EPC2: variants seen among roughly 807,000 people sequenced by gnomAD.
The protein encoded by EPC2 is enhancer of polycomb homolog 2.
In EPC2, 14 loss-of-function variants were observed where a neutral mutation model predicts 92.1. The observed-to-expected ratio is 0.15, with a 90% CI of 0.10 to 0.24. The LOEUF (loss-of-function observed/expected upper bound fraction) is 0.24. EPC2 is among the 10% of genes least tolerant of loss of function. The pLI, the probability that EPC2 is intolerant of heterozygous loss-of-function variation, is 1.00. For missense variants in EPC2, 755 were observed against 971.5 expected, an observed-to-expected ratio of 0.78 and a Z score of 2.96; for synonymous variants, 340 against 334.7, an observed-to-expected ratio of 1.02 and a Z score of -0.17.
chr2:148,677,847 C>T (rs1000583587), intron 1 of EPC2, among the ~76,000 whole-genome samples: 8 of 151,914 alleles, frequency 5.3e-5, no homozygotes, highest in East Asian at 1.9e-4. Context: ...CTTGTGGTCT[C>T]GCTGGCTTCA....
intron 3 of EPC2, among the ~76,000 whole-genome samples, chr2:148,752,595 A>ACT (rs1469401091): frequency 6.6e-6 from 1 of 152,194 alleles, no homozygotes; most frequent in Admixed American, 6.5e-5. Context: ...TAGAATGGCC[A>ACT]CTTAGTATTT....
chr2:148,702,378 AT>A (rs1681909190), intron 2 of EPC2, among the ~76,000 whole-genome samples: 1 of 152,172 alleles, frequency 6.6e-6, no homozygotes, highest in African/African-American at 2.4e-5. Flanking sequence ...ATATTCATAG[AT>A]TAGAGGAATT....
At chr2:148,650,624 T>C (rs936841821) in intron 1 of EPC2, among the ~76,000 whole-genome samples, 4 of 152,160 alleles carry the variant, frequency 2.6e-5, no homozygotes, top group African/African-American at 7.2e-5. Context: ...TGTTGTCTAA[T>C]TTTTGCCGTT....
At chr2:148,777,408 A>T (rs1397725165) in intron 10 of EPC2, among the ~76,000 whole-genome samples, 1 of 152,202 alleles carries the variant, frequency 6.6e-6, no homozygotes, top group Non-Finnish European at 1.5e-5. Flanking sequence ...TTAAGAGATG[A>T]TGAAAAAACA....
chr2:148,733,091 A>ATTTTTTTTTTTTTTTTT (rs1290818057), intron 2 of EPC2, among the ~76,000 whole-genome samples: 2 of 118,942 alleles, frequency 1.7e-5, no homozygotes, highest in Non-Finnish European at 1.8e-5. Context: ...TTATTTTTTA[A>ATTTTTTTTTTTTTTTTT]AGAATAATAG....
rs527268787 is a variant in EPC2, at chr2:148,671,747, C to A, written c.154-18467C>A. Among the ~76,000 whole-genome samples, 171 of 152,072 alleles carry A rather than the reference C, an allele frequency of 1.1e-3. 1 individual carries two copies. The highest frequency in any genetic ancestry group is 1.5e-3 in the Non-Finnish European group (103 of 67,972). On this transcript the variant is annotated intron_variant, in intron 1 of 13. Transcript: ENST00000258484. ...CTTTTGTCCGTCCCTTTATTTTTAC[C>A]CTTTCTTAACCATCTTTGAGTAAGC...
At chr2:148,645,439 G>A in intron 1 of EPC2, 2 of 409,248 alleles carry the variant, frequency 4.9e-6, no homozygotes, top group South Asian at 2.9e-5. Context: ...AGCGGCGGCC[G>A]GGAATGGCGC....
At chr2:148,691,473 G>A in intron 2 of EPC2, 3 of 1,529,350 alleles carry the variant, frequency 2.0e-6, no homozygotes, top group Non-Finnish European at 2.7e-6. Flanking sequence ...AACATCACCA[G>A]CTTTAAGACT....
intron 13 of EPC2, among the ~76,000 whole-genome samples, chr2:148,785,775 G>C (rs1414269037): frequency 6.6e-6 from 1 of 152,004 alleles, no homozygotes; most frequent in Non-Finnish European, 1.5e-5. Flanking sequence ...GGATTACTAC[G>C]GACATCCATA....
chr2:148,727,454 AAAAT>A (rs1682522022), intron 2 of EPC2, among the ~76,000 whole-genome samples: 1 of 152,260 alleles, frequency 6.6e-6, no homozygotes, highest in East Asian at 1.9e-4. Flanking sequence ...ACTCTGTTAA[AAAAT>A]AAATACTCTA....
At chr2:148,670,268 T>C (rs1009712059) in intron 1 of EPC2, among the ~76,000 whole-genome samples, 9 of 152,176 alleles carry the variant, frequency 5.9e-5, no homozygotes, top group African/African-American at 2.2e-4. Context: ...TAAAACCCAT[T>C]GTTTTATTAC....
chr2:148,782,752 G>T (rs1477633946), intron 11 of EPC2, among the ~76,000 whole-genome samples: 1 of 15,902 alleles, frequency 6.3e-5, no homozygotes, highest in Non-Finnish European at 2.8e-4. Context: ...AGAACTATAT[G>T]ATAATAAATT....
At chr2:148,768,854 TATA>T (rs1683464815) in intron 7 of EPC2, among the ~76,000 whole-genome samples, 2 of 152,192 alleles carry the variant, frequency 1.3e-5, no homozygotes, top group African/African-American at 4.8e-5. Context: ...ATTTATAAAA[TATA>T]ATGGGATGTA....
At chr2:148,763,068 G>T (rs1362975119) in intron 6 of EPC2, among the ~76,000 whole-genome samples, 1 of 152,064 alleles carries the variant, frequency 6.6e-6, no homozygotes, top group Non-Finnish European at 1.5e-5. Flanking sequence ...TTCAGTTCAG[G>T]TCTAATAGTC....
chr2:148,665,575 C>T (rs918646634), intron 1 of EPC2, among the ~76,000 whole-genome samples: 1 of 152,176 alleles, frequency 6.6e-6, no homozygotes, highest in Non-Finnish European at 1.5e-5. Context: ...TACAAGTTAG[C>T]ATTATACAAC....
intron 2 of EPC2, among the ~76,000 whole-genome samples, chr2:148,699,705 G>A (rs1009130544): frequency 2.0e-5 from 3 of 152,112 alleles, no homozygotes; most frequent in Non-Finnish European, 2.9e-5. Context: ...CTAAACATTT[G>A]TATGTAGGTT....
At chr2:148,681,043 G>A (rs1681383323) in intron 1 of EPC2, among the ~76,000 whole-genome samples, 1 of 152,152 alleles carries the variant, frequency 6.6e-6, no homozygotes, top group African/African-American at 2.4e-5. Flanking sequence ...TGGGCAACTT[G>A]CCTTTTTCTT....
At chr2:148,744,630 A>T (rs1175370971) in intron 3 of EPC2, among the ~76,000 whole-genome samples, 1 of 152,146 alleles carries the variant, frequency 6.6e-6, no homozygotes. Flanking sequence ...AACAGTGGTT[A>T]TATTTGGGTG....
chr2:148,786,351 A>C lies in EPC2; in HGVS notation c.2398A>C (p.Thr800Pro). The change falls in exon 14 of 14, where the codon ACA becomes CCA. Residue 800 changes from threonine (T) to proline (P), a missense_variant. By Grantham distance (38) the Thr-to-Pro change is conservative. Transcript: ENST00000258484. ...ERLGLNGIAE[T>P]TVAMEVT ...ATTGGGCTTAAATGGAATAGCAGAGACAACAGTAGCTATGGAAGTGACATA... is the reference window on the plus strand; with the variant it reads ...ATTGGGCTTAAATGGAATAGCAGAGCCAACAGTAGCTATGGAAGTGACATA... 1 of 1,611,552 alleles carries C rather than the reference A, an allele frequency of 6.2e-7. No homozygotes were observed. Among genetic ancestry groups the C allele is most frequent in the Non-Finnish European group, 8.5e-7 (1 of 1,178,810 alleles).
Sources: allele counts gnomAD v4.1 joint callset (sites outside exome capture counted in the v4.1 genomes callset), GRCh38; gene constraint gnomAD v4.1.1; transcripts MANE v1.5; gene names NCBI Gene and HGNC (gene_info 2026-07-23, HGNC 2026-07-21).